Variants in ADGRF5 observed in about 807,000 individuals in gnomAD.
The protein encoded by ADGRF5 is adhesion G protein-coupled receptor F5, also known as G-protein coupled receptor 116.
ADGRF5 carries 75 observed loss-of-function variants against 132.3 expected under a neutral mutation model. The observed-to-expected ratio is 0.57, with a 90% CI of 0.47 to 0.69. The LOEUF is 0.69. ADGRF5 is among the 30% of genes least tolerant of loss of function. The probability of loss-of-function intolerance (pLI) is 0.00; values close to 1 mark genes in which losing one functional copy is unlikely to be tolerated. For synonymous variants in ADGRF5, 629 were observed against 597.6 expected (o/e 1.05, Z -0.77); for missense variants, 1,516 against 1,630.6 (o/e 0.93, Z 1.21).
In ADGRF5 at chr6:46,858,507, G is replaced by A. The variant is rs758013324; in HGVS notation, c.3396C>T (p.Phe1132=). Residue 1132 remains phenylalanine, a synonymous_variant, in exon 17 of 21, where the codon TTC becomes TTT. Transcript: ENST00000283296. ...CAAGTGGGCAGCCATAGCCAAGACA[G>A]AAGGCAATGGCTTTCTGAGTGGACC... ...TSRSTQKAIA[F]CLGYGCPLAI... is the part of the protein sequence containing the mutation. 1.9e-6 allele frequency: 3 copies of A among 1,613,928 alleles called. No homozygotes were observed. The highest frequency in any genetic ancestry group is 2.2e-5 in the South Asian group (2 of 91,068).
In ADGRF5 at chr6:46,869,088, A is replaced by T. The variant is rs1290907125; in HGVS notation, c.1416T>A (p.Asn472Lys). ...AAATTGGGTCCGGGGTTATTGTTAG[A>T]TTGGCTGAAAAAAAGGCAAACAAAA... ...NIKVTFISVA[N>K]LTITPDPISV... The change falls in exon 12 of 21, where the codon AAT becomes AAA. Residue 472 changes from asparagine to lysine, a missense_variant. Physicochemically the swap from Asn to Lys is moderately conservative, Grantham distance 94. Around this residue, in one of 2 missense-constraint regions of ADGRF5, gnomAD observed 945 missense variants for 929.4 expected, o/e 1.02. Transcript: ENST00000283296. The T allele has an allele frequency of 4.3e-6, 7 of 1,613,512 alleles. No homozygotes were observed. Among genetic ancestry groups the T allele is most frequent in the Non-Finnish European group, 5.1e-6 (6 of 1,179,698 alleles).
At chr6:46,914,098 T>A (rs1011750471) in intron 1 of ADGRF5, among the ~76,000 whole-genome samples, 1 of 152,214 alleles carries the variant, frequency 6.6e-6, no homozygotes, top group African/African-American at 2.4e-5. Context: ...ATAGAGTTAC[T>A]TTTAATGGTG....
At chr6:46,885,240 G>T (rs536254014) in intron 4 of ADGRF5, among the ~76,000 whole-genome samples, 4 of 150,390 alleles carry the variant, frequency 2.7e-5, no homozygotes, top group African/African-American at 9.8e-5. Flanking sequence ...AAGGAAGAAA[G>T]AAAAAACAGA....
intron 10 of ADGRF5, among the ~76,000 whole-genome samples, chr6:46,877,081 G>A (rs1771737271): frequency 6.6e-6 from 1 of 152,162 alleles, no homozygotes; most frequent in Non-Finnish European, 1.5e-5. Context: ...CTTGCTCTAT[G>A]CAGTTTCTAG....
intron 4 of ADGRF5, chr6:46,886,488 A>T (rs1164021928): frequency 6.6e-6 from 1 of 152,224 alleles, no homozygotes; most frequent in Non-Finnish European, 1.5e-5. Context: ...GGAGTAGTTG[A>T]AGAACTTTTG....
chr6:46,855,081 G>A (rs1440985717), intron 20 of ADGRF5, among the ~76,000 whole-genome samples: 3 of 152,192 alleles, frequency 2.0e-5, no homozygotes, highest in South Asian at 4.1e-4. Flanking sequence ...AGGGATGATG[G>A]CATGGGGACA....
chr6:46,917,021 T>G (rs1297532905), intron 1 of ADGRF5, among the ~76,000 whole-genome samples: 2 of 152,264 alleles, frequency 1.3e-5, no homozygotes, highest in Admixed American at 6.5e-5. Context: ...GCTTATTCAT[T>G]TGGTAACAAC....
chr6:46,914,869 T>G (rs9463259), intron 1 of ADGRF5, among the ~76,000 whole-genome samples: 32,602 of 151,658 alleles, frequency 0.21, 4,253 homozygotes, highest in African/African-American at 0.37. Flanking sequence ...TTGTTTGTTT[T>G]TTTTGAGACG....
In ADGRF5 at chr6:46,877,545, C is replaced by T. The variant is rs149574680; in HGVS notation, c.1240+657G>A. Among the ~76,000 whole-genome samples, 19 of 151,922 alleles carry T rather than the reference C, an allele frequency of 1.3e-4. No individual in the cohort carries two copies. The East Asian group carries it at 3.5e-3, about 28-fold the overall frequency. ...AAAGGGTTAATCATAAACTGTTATA[C>T]AAAACAGAGTCAGTATTGCTGTTTT... On this transcript the variant is annotated intron_variant, in intron 10 of 20. Coordinates refer to ENST00000283296, the MANE Select transcript of ADGRF5 (RefSeq NM_001098518.2).
At position 46,858,808 on chromosome 6, in the gene ADGRF5, A is replaced by G; in HGVS notation, c.3095T>C (p.Val1032Ala). Residue 1032 changes from valine to alanine, a missense_variant, in exon 17 of 21, where the codon GTT becomes GCT. Physicochemically the swap from Val to Ala is moderately conservative, Grantham distance 64. Coordinates refer to ENST00000283296, the MANE Select transcript of ADGRF5 (RefSeq NM_001098518.2). Reference protein sequence around the residue: ...FSILSLAACLVVEAVVWKSVT... With the variant: ...FSILSLAACLAVEAVVWKSVT... Reference sequence around the variant, plus strand: ...CGATTTCCACACCACAGCTTCCACAACTAGACAGGCTGCCAAGCTCAAGAT... The same window carrying G: ...CGATTTCCACACCACAGCTTCCACAGCTAGACAGGCTGCCAAGCTCAAGAT... 6.2e-7 allele frequency: 1 copy of G among 1,614,118 alleles called. No homozygotes were observed. Among genetic ancestry groups the G allele is most frequent in the East Asian group, 2.2e-5 (1 of 44,876 alleles).
intron 10 of ADGRF5, among the ~76,000 whole-genome samples, chr6:46,875,148 T>A (rs542641018): frequency 1.9e-4 from 29 of 152,262 alleles, no homozygotes; most frequent in Non-Finnish European, 4.1e-4. Flanking sequence ...CAATAACTAC[T>A]TTTGTTAGGC....
chr6:46,912,773 G>T (rs574067858), intron 1 of ADGRF5, among the ~76,000 whole-genome samples: 1 of 152,152 alleles, frequency 6.6e-6, no homozygotes, highest in African/African-American at 2.4e-5. Flanking sequence ...CTTTCTTCAT[G>T]GTCCAGAACA....
intron 1 of ADGRF5, among the ~76,000 whole-genome samples, chr6:46,919,037 G>GTT (rs60877892): frequency 0.35 from 53,555 of 151,966 alleles, 11,519 homozygotes; most frequent in East Asian, 0.48. Context: ...TCTAGACATT[G>GTT]TTTTCTCTTT....
At position 46,858,250 on chromosome 6, in the gene ADGRF5, C is replaced by T; in HGVS notation, c.3653G>A (p.Ser1218Asn). 6.2e-7 allele frequency: 1 copy of T among 1,614,058 alleles called. No individual in the cohort carries two copies. Among genetic ancestry groups the T allele is most frequent in the South Asian group, 1.1e-5 (1 of 91,072 alleles). The change falls in exon 17 of 21, where the codon AGC (serine) becomes AAC (asparagine). Residue 1218 changes from serine to asparagine, a missense_variant. Ser to Asn is a conservative substitution (Grantham distance 46). Transcript: ENST00000283296. ...KQEKSSLFQI[S>N]KSIGVLTPLL... is the part of the protein sequence containing the mutation. Reference sequence around the variant, plus strand: ...TGGTGTGAGGACCCCAATGCTCTTGCTGATCTGAAACAGGCTGCTCTTCTC... The same window carrying T: ...TGGTGTGAGGACCCCAATGCTCTTGTTGATCTGAAACAGGCTGCTCTTCTC...
chr6:46,894,535 T>C (rs1410897635), intron 3 of ADGRF5, among the ~76,000 whole-genome samples: 1 of 152,124 alleles, frequency 6.6e-6, no homozygotes, highest in African/African-American at 2.4e-5. Flanking sequence ...CAGTCTTCCT[T>C]ACACTACAAA....
intron 16 of ADGRF5, among the ~76,000 whole-genome samples, chr6:46,859,881 G>T (rs923189200): frequency 1.4e-5 from 2 of 145,138 alleles, no homozygotes; most frequent in African/African-American, 5.2e-5. Flanking sequence ...GTAGAGATGG[G>T]GTTTCACCAT....
In ADGRF5 at chr6:46,856,888, A is replaced by T; in HGVS notation, c.3795T>A (p.Phe1265Leu). 6.2e-7 allele frequency: 1 copy of T among 1,609,786 alleles called. No individual in the cohort carries two copies. The highest frequency in any genetic ancestry group is 8.5e-7 in the Non-Finnish European group (1 of 1,177,858). Residue 1265 changes from phenylalanine (F) to leucine (L), a missense_variant, in exon 18 of 21, where the codon TTT becomes TTA. Phe to Leu is a conservative substitution (Grantham distance 22). Coordinates refer to ENST00000283296, the MANE Select transcript of ADGRF5 (RefSeq NM_001098518.2). Reference sequence around the variant, plus strand: ...TTACCTTCAGATCCCAGAGGCATCCAAAGAGTAAAATGAATAATCCCTGAG... The same window carrying T: ...TTACCTTCAGATCCCAGAGGCATCCTAAGAGTAAAATGAATAATCCCTGAG... The part of the protein sequence containing the change: ...NVFQGLFILL[F>L]GCLWDLKVQE...
chr6:46,893,058 ATTT>A (rs35014340), intron 3 of ADGRF5, among the ~76,000 whole-genome samples: 2,078 of 86,662 alleles, frequency 0.024, 24 homozygotes, highest in African/African-American at 0.079. Flanking sequence ...GACAACAGGG[ATTT>A]TTTTTTTTTT....
chr6:46,877,283 CTT>C (rs1167331458), intron 10 of ADGRF5, among the ~76,000 whole-genome samples: 996 of 50,046 alleles, frequency 0.02, 14 homozygotes, highest in African/African-American at 0.035. Flanking sequence ...TTCTTTCTTT[CTT>C]TCTTTCTCTC....
Sources: allele counts gnomAD v4.1 joint callset (sites outside exome capture counted in the v4.1 genomes callset), GRCh38; gene constraint gnomAD v4.1.1; regional missense constraint gnomAD v4.1.1; transcripts MANE v1.5; gene names NCBI Gene and HGNC (gene_info 2026-07-23, HGNC 2026-07-21).